SLC24A2: variants seen among roughly 807,000 people sequenced by gnomAD.
SLC24A2 encodes sodium/potassium/calcium exchanger 2.
SLC24A2 carries 36 observed loss-of-function variants against 62.0 expected under a neutral mutation model. The ratio of observed to expected loss-of-function variants is 0.58; its 90% CI spans 0.44 to 0.77. The LOEUF is 0.77. Ranked by LOEUF, SLC24A2 falls within the 30% of genes least tolerant of loss-of-function variation. The pLI is 0.00. For synonymous variants in SLC24A2, 358 were observed against 294.0 expected (o/e 1.22, Z -2.23); for missense variants, 846 against 817.9 (o/e 1.03, Z -0.42).
the SLC24A2 span, among the ~76,000 whole-genome samples, chr9:19,875,787 A>C: frequency 6.6e-6 from 1 of 152,176 alleles, no homozygotes; most frequent in South Asian, 2.1e-4. Flanking sequence ...AATGTGCTTA[A>C]AATATGAGAA....
chr9:19,939,675 A>G, the SLC24A2 span, among the ~76,000 whole-genome samples: 2 of 152,196 alleles, frequency 1.3e-5, no homozygotes, highest in African/African-American at 4.8e-5. Flanking sequence ...TAATTGCACT[A>G]TGACATTTCC....
intron 2 of SLC24A2, among the ~76,000 whole-genome samples, chr9:19,762,390 AT>A (rs1324953993): frequency 2.0e-5 from 3 of 152,136 alleles, no homozygotes; most frequent in African/African-American, 7.2e-5. Flanking sequence ...GCCCATGCCT[AT>A]GTCCTGAATG....
At chr9:20,156,155 T>G in the SLC24A2 span, among the ~76,000 whole-genome samples, 1 of 151,748 alleles carries the variant, frequency 6.6e-6, no homozygotes, top group East Asian at 1.9e-4. Flanking sequence ...ACAAGCACTC[T>G]TACCACAATG....
chr9:20,068,775 T>C, the SLC24A2 span, among the ~76,000 whole-genome samples: 1 of 152,312 alleles, frequency 6.6e-6, no homozygotes, highest in South Asian at 2.1e-4. Context: ...GCAATGGCCA[T>C]GCTCTTTCTC....
the SLC24A2 span, among the ~76,000 whole-genome samples, chr9:20,057,044 T>A: frequency 6.6e-6 from 1 of 152,168 alleles, no homozygotes; most frequent in Non-Finnish European, 1.5e-5. Flanking sequence ...CAGACATAAT[T>A]TTTTAAATCC....
chr9:20,020,805 G>C, the SLC24A2 span, among the ~76,000 whole-genome samples: 16 of 152,240 alleles, frequency 1.1e-4, no homozygotes, highest in South Asian at 8.3e-4. Flanking sequence ...TCACTAAGTA[G>C]AGCCACGAAC....
chr9:19,994,742 T>A, the SLC24A2 span, among the ~76,000 whole-genome samples: 1 of 152,192 alleles, frequency 6.6e-6, no homozygotes, highest in Non-Finnish European at 1.5e-5. Context: ...TAGTGTGGCT[T>A]CATGCACCGG....
chr9:20,129,961 A>G, the SLC24A2 span, among the ~76,000 whole-genome samples: 785 of 151,934 alleles, frequency 5.2e-3, 8 homozygotes, highest in African/African-American at 0.017. Flanking sequence ...ACACACACAC[A>G]CACAGAGGTT....
chr9:19,527,140 T>C (rs1471025054), intron 9 of SLC24A2, among the ~76,000 whole-genome samples: 1 of 152,220 alleles, frequency 6.6e-6, no homozygotes, highest in Non-Finnish European at 1.5e-5. Flanking sequence ...TATTTCAAAT[T>C]TCTATATCTT....
the SLC24A2 span, among the ~76,000 whole-genome samples, chr9:20,016,267 T>A: frequency 6.6e-6 from 1 of 152,214 alleles, no homozygotes; most frequent in Admixed American, 6.5e-5. Flanking sequence ...TGAAATATTA[T>A]TACTAGGAAA....
the SLC24A2 span, among the ~76,000 whole-genome samples, chr9:19,821,527 G>A: frequency 1.1e-4 from 17 of 152,116 alleles, no homozygotes; most frequent in African/African-American, 4.1e-4. Context: ...TGCTCTGTTT[G>A]ATAATTGGGA....
the SLC24A2 span, among the ~76,000 whole-genome samples, chr9:20,075,987 A>G: frequency 2.9e-4 from 44 of 152,316 alleles, no homozygotes; most frequent in African/African-American, 1.0e-3. Flanking sequence ...ATTACTTATA[A>G]TAGCTAATAC....
chr9:19,583,053 T>C lies in SLC24A2; in HGVS notation c.1130-6031A>G, dbSNP rs184136767. Among the ~76,000 whole-genome samples, 15 of 152,194 alleles carry C rather than the reference T, an allele frequency of 9.9e-5. No individual in the cohort carries two copies. In the East Asian group the frequency reaches 2.1e-3, roughly 22 times the overall value. Reference sequence around the variant, plus strand: ...TGATCAGTAAAACAGAACATGGCACTTACTTCTCTGCAAAATCCTGCAGTG... The same window carrying C: ...TGATCAGTAAAACAGAACATGGCACCTACTTCTCTGCAAAATCCTGCAGTG... On this transcript the variant is annotated intron_variant, in intron 5 of 10. Transcript: ENST00000341998.
the SLC24A2 span, among the ~76,000 whole-genome samples, chr9:20,004,348 C>A: frequency 6.6e-6 from 1 of 152,274 alleles, no homozygotes; most frequent in Non-Finnish European, 1.5e-5. Context: ...GTTGGTCAGG[C>A]TTTTCCAGGG....
Position 19,513,143 on chromosome 9 carries a change from C to G in SLC24A2, c.*3010G>C, listed in dbSNP as rs200908514. The G allele has an allele frequency of 2.7e-5, 3 of 110,892 alleles. No homozygotes were observed. The East Asian group carries it at 9.0e-4, about 33-fold the overall frequency. 6.9% of individuals were successfully genotyped at this position (110,892 alleles called of 1,614,324 possible). ...TCATATTATATGTGTACATATAGATCTGGTATAAAGATATATATATATATA... is the reference window on the plus strand; with the variant it reads ...TCATATTATATGTGTACATATAGATGTGGTATAAAGATATATATATATATA... On this transcript the variant is annotated 3_prime_UTR_variant, in exon 11 of 11. Transcript: ENST00000341998.
chr9:19,932,123 T>C, the SLC24A2 span, among the ~76,000 whole-genome samples: 1 of 152,150 alleles, frequency 6.6e-6, no homozygotes, highest in East Asian at 1.9e-4. Context: ...AATAAATTCA[T>C]GCAGTAAAAC....
chr9:19,517,964 C>T (rs1833017264), intron 10 of SLC24A2, among the ~76,000 whole-genome samples: 1 of 151,390 alleles, frequency 6.6e-6, no homozygotes, highest in Admixed American at 6.6e-5. Flanking sequence ...CACACTCTCA[C>T]ACTTCTAGTG....
intron 2 of SLC24A2, among the ~76,000 whole-genome samples, chr9:19,631,097 T>C (rs1818167514): frequency 6.6e-6 from 1 of 152,202 alleles, no homozygotes; most frequent in South Asian, 2.1e-4. Context: ...TGAGCACCCT[T>C]CTGAGGGCAG....
the SLC24A2 span, among the ~76,000 whole-genome samples, chr9:20,079,829 G>C: frequency 7.2e-4 from 109 of 152,122 alleles, 1 homozygote; most frequent in African/African-American, 2.5e-3. Flanking sequence ...GGAGATTTTG[G>C]GCTGAGACGA....
Sources: gnomAD v4.1 joint callset for allele counts (sites outside exome capture counted in the v4.1 genomes callset) on GRCh38, gnomAD v4.1.1 for gene constraint, MANE v1.5 for transcripts, NCBI Gene and HGNC (gene_info 2026-07-23, HGNC 2026-07-21) for gene names.